The following HIVEP1 variants were observed in gnomAD, a reference collection of about 807,000 sequenced individuals.
HIVEP1 encodes the protein HIVEP zinc finger 1.
In HIVEP1, 36 loss-of-function variants were observed where a neutral mutation model predicts 180.0. The observed-to-expected ratio is 0.20, with a 90% CI of 0.15 to 0.26. The LOEUF (loss-of-function observed/expected upper bound fraction) is 0.26. HIVEP1 is among the 10% of genes least tolerant of loss of function. The pLI, the probability that HIVEP1 is intolerant of heterozygous loss-of-function variation, is 1.00. For missense variants in HIVEP1, 3,143 were observed against 3,268.7 expected, an observed-to-expected ratio of 0.96 and a Z score of 0.94; for synonymous variants, 1,239 against 1,239.0, an observed-to-expected ratio of 1.00 and a Z score of 0.00.
In HIVEP1 at chr6:12,121,876, G is replaced by A. The variant is rs752253211; in HGVS notation, c.2081G>A (p.Arg694Lys). The change falls in exon 4 of 9, where the codon AGA becomes AAA. Residue 694 changes from arginine to lysine, a missense_variant. By Grantham distance (26) the Arg-to-Lys change is conservative. Around this residue, in one of 12 missense-constraint regions of HIVEP1, gnomAD observed 365 missense variants for 344.4 expected, o/e 1.06. Coordinates refer to ENST00000379388, the MANE Select transcript of HIVEP1 (RefSeq NM_002114.4). The surrounding 1 kb of genome is among the most constrained non-coding windows in gnomAD (Gnocchi z 5.3). ...QTVSPPTPFA[R>K]RLPSTEQDSG... ...GTGAGTCCACCAACTCCCTTTGCCA[G>A]AAGGTTACCCAGCACAGAACAAGAC... 1.2e-6 allele frequency: 2 copies of A among 1,614,186 alleles called. No individual in the cohort carries two copies. The highest frequency in any genetic ancestry group is 8.5e-7 in the Non-Finnish European group (1 of 1,180,028).
In HIVEP1 at chr6:12,015,544, T is replaced by C; in HGVS notation, c.-85T>C. The C allele has an allele frequency of 9.8e-7, 1 of 1,025,136 alleles. No homozygotes were observed. Among genetic ancestry groups the C allele is most frequent in the Non-Finnish European group, 1.5e-6 (1 of 660,836 alleles). The allele number at this position is 1,025,136 out of a possible 1,614,324, so 63.5% of individuals were successfully genotyped here. ...TTTTCAGCACATGGATTAATTGATG[T>C]ATGTTGAGTTTATGGAGCTGCCTTT... is the stretch of plus-strand genomic sequence containing the variant. On this transcript the variant is annotated 5_prime_UTR_variant, in exon 2 of 9. Transcript: ENST00000379388.
intron 3 of HIVEP1, among the ~76,000 whole-genome samples, chr6:12,118,956 T>G (rs1454266254): frequency 6.6e-6 from 1 of 152,218 alleles, no homozygotes; most frequent in East Asian, 1.9e-4. Context: ...AGTCAAATAC[T>G]CAGCATTAAA....
In HIVEP1 at chr6:12,123,367, C is replaced by G. The variant is rs752775736; in HGVS notation, c.3572C>G (p.Ser1191Cys). ...GAAAGTCACCCTTCTCGGGACGGGT[C>G]TCATCCTCACCAGCTTGCACTATCA... Reference protein sequence around the residue: ...QEESHPSRDGSHPHQLALSDA... With the variant: ...QEESHPSRDGCHPHQLALSDA... Residue 1191 changes from serine to cysteine, a missense_variant, in exon 4 of 9, where the codon TCT becomes TGT. Transcript: ENST00000379388. 38 of 1,614,086 alleles carry G rather than the reference C, an allele frequency of 2.4e-5. No homozygotes were observed. The highest frequency in any genetic ancestry group is 2.5e-6 in the Non-Finnish European group (3 of 1,180,026).
chr6:12,050,593 A>T lies in HIVEP1; in HGVS notation c.40+34925A>T, dbSNP rs531524375. Reference sequence around the variant, plus strand: ...AGAGAGAGACTCCGTCTCAAAAAAAAAAAAATAAAAAAATTAAACACCATG... The same window carrying T: ...AGAGAGAGACTCCGTCTCAAAAAAATAAAAATAAAAAAATTAAACACCATG... On this transcript the variant is annotated intron_variant, in intron 2 of 8. Transcript: ENST00000379388. Among the ~76,000 whole-genome samples, 257 of 150,282 alleles carry T rather than the reference A, an allele frequency of 1.7e-3. 3 individuals carry two copies. In the South Asian group the frequency reaches 0.044, roughly 26 times the overall value.
chr6:12,019,014 GA>G (rs1581502936), intron 2 of HIVEP1, among the ~76,000 whole-genome samples: 1 of 152,206 alleles, frequency 6.6e-6, no homozygotes, highest in East Asian at 1.9e-4. Context: ...AATTGTGTCT[GA>G]CTTGTCTGTG....
chr6:12,131,075 G>A (rs967861335), intron 6 of HIVEP1, 133 bp downstream of exon 6: 1 of 521,462 alleles, frequency 1.9e-6, no homozygotes, highest in African/African-American at 1.9e-5. Context: ...TCTTGTCAAT[G>A]TTGTAGTCTT....
At chr6:12,146,512 G>A (rs1292607766) in intron 7 of HIVEP1, among the ~76,000 whole-genome samples, 1 of 152,106 alleles carries the variant, frequency 6.6e-6, no homozygotes, top group East Asian at 1.9e-4. Context: ...AAATCAAATG[G>A]TAACTGTGCT....
At chr6:12,021,500 A>G (rs6928149) in intron 2 of HIVEP1, among the ~76,000 whole-genome samples, 1,766 of 152,072 alleles carry the variant, frequency 0.012, 32 homozygotes, top group African/African-American at 0.039. Context: ...CCTCCCCTCC[A>G]CAGACATGCC....
At chr6:12,169,879 G>A (rs1460419844), downstream of HIVEP1, among the ~76,000 whole-genome samples, 1 of 152,092 alleles carries the variant, frequency 6.6e-6, no homozygotes, top group Non-Finnish European at 1.5e-5. Context: ...CCAGCACTTC[G>A]GGAGGCCAAG....
At position 12,053,509 on chromosome 6, in the gene HIVEP1, A is replaced by G. The variant is rs79494663; in HGVS notation, c.41-35675A>G. 8.6e-3 allele frequency among the ~76,000 whole-genome samples: 1,304 copies of G among 152,316 alleles called. 15 individuals are homozygous for G. Among genetic ancestry groups the G allele is most frequent in the African/African-American group, 0.029 (1,226 of 41,564 alleles). ...TTAGGATATGACAAAAAAAACATAA[A>G]TAGGTACCTGTGAGTCTTAAGGGGC... On this transcript the variant is annotated intron_variant, in intron 2 of 8. Transcript: ENST00000379388.
At chr6:12,178,484 C>A in the HIVEP1 span, among the ~76,000 whole-genome samples, 2 of 151,994 alleles carry the variant, frequency 1.3e-5, no homozygotes, top group South Asian at 4.1e-4. Flanking sequence ...TATAAATGGA[C>A]AACAGGTACA....
chr6:12,183,304 C>T, the HIVEP1 span, among the ~76,000 whole-genome samples: 1 of 152,190 alleles, frequency 6.6e-6, no homozygotes, highest in Non-Finnish European at 1.5e-5. Context: ...TAATTAGATA[C>T]ATGAAACACC....
chr6:12,204,286 C>CA, the HIVEP1 span, among the ~76,000 whole-genome samples: 3 of 152,268 alleles, frequency 2.0e-5, no homozygotes, highest in South Asian at 6.2e-4. Context: ...CTCTTGGGCT[C>CA]AGCCCAGTTT....
At chr6:12,204,397 T>G in the HIVEP1 span, among the ~76,000 whole-genome samples, 1 of 23,230 alleles carries the variant, frequency 4.3e-5, no homozygotes, top group Non-Finnish European at 1.1e-4. Context: ...TCCCTCCCTT[T>G]CCCCCGCTTC....
intron 5 of HIVEP1, 132 bp downstream of exon 5, chr6:12,130,024 T>C: frequency 4.7e-6 from 3 of 633,032 alleles, no homozygotes; most frequent in Non-Finnish European, 8.5e-6. Flanking sequence ...ATTAACAGAA[T>C]CTCCATAGCA....
At chr6:12,110,235 G>A (rs1054034234) in intron 3 of HIVEP1, among the ~76,000 whole-genome samples, 1 of 152,216 alleles carries the variant, frequency 6.6e-6, no homozygotes, top group Non-Finnish European at 1.5e-5. Context: ...GTAGATGAGC[G>A]TTTGCTTCAA....
At chr6:12,103,489 T>A (rs1198856733) in intron 3 of HIVEP1, among the ~76,000 whole-genome samples, 1 of 151,946 alleles carries the variant, frequency 6.6e-6, no homozygotes, top group Non-Finnish European at 1.5e-5. Context: ...AAGTGGTAAC[T>A]GGATGCAAGA....
At chr6:12,135,701 T>C (rs1758666123) in intron 6 of HIVEP1, 90 bp from the exon 7 acceptor site, 3 of 790,468 alleles carry the variant, frequency 3.8e-6, no homozygotes, top group Middle Eastern at 2.4e-4. Context: ...TCTGTACTTT[T>C]GCTTGAATAG....
At chr6:12,197,205 A>G in the HIVEP1 span, among the ~76,000 whole-genome samples, 1 of 152,168 alleles carries the variant, frequency 6.6e-6, no homozygotes, top group Non-Finnish European at 1.5e-5. Context: ...GTCAGCATGA[A>G]TGAAGGCAAG....
Sources: gnomAD v4.1 joint callset for allele counts (sites outside exome capture counted in the v4.1 genomes callset) on GRCh38, gnomAD v4.1.1 for gene constraint, gnomAD v4.1.1 regional missense constraint, Gnocchi (gnomAD v3.1) non-coding constraint, MANE v1.5 for transcripts, NCBI Gene and HGNC (gene_info 2026-07-23, HGNC 2026-07-21) for gene names.